FEM1C: variants seen among roughly 807,000 people sequenced by gnomAD.
The protein encoded by FEM1C is fem-1 homolog C.
Under a neutral mutation model 37.6 loss-of-function variants are expected in FEM1C, and 15 were observed. The observed-to-expected ratio is 0.40, with a 90% CI of 0.27 to 0.61. FEM1C has a LOEUF of 0.61. Among genes scored for constraint, FEM1C ranks in the 20% least tolerant of loss-of-function variants. The pLI, the probability that FEM1C is intolerant of heterozygous loss-of-function variation, is 0.42. For synonymous variants in FEM1C, 287 were observed against 272.8 expected (o/e 1.05, Z -0.51); for missense variants, 532 against 749.7 (o/e 0.71, Z 3.39).
intron 2 of FEM1C, among the ~76,000 whole-genome samples, chr5:115,541,216 A>G (rs1187511208): frequency 1.3e-5 from 2 of 152,098 alleles, no homozygotes; most frequent in Non-Finnish European, 2.9e-5. Context: ...TAAGCTAAAA[A>G]ACAGGTTATA....
chr5:115,524,243 G>T lies in FEM1C; in HGVS notation c.*65C>A. 1.5e-6 allele frequency: 2 copies of T among 1,310,582 alleles called. No individual in the cohort carries two copies. The highest frequency in any genetic ancestry group is 2.2e-6 in the Non-Finnish European group (2 of 915,798). The allele number at this position is 1,310,582 out of a possible 1,614,324, so 81.2% of individuals were successfully genotyped here. On this transcript the variant is annotated 3_prime_UTR_variant, in exon 3 of 3. Coordinates refer to ENST00000274457, the MANE Select transcript of FEM1C (RefSeq NM_020177.3). ...AATGAATGCTGGTGTTATCACAACA[G>T]TGCTCATTTATGAAACAACTGTTAC... is the stretch of plus-strand genomic sequence containing the variant.
chr5:115,527,290 T>A (rs1259150658), intron 2 of FEM1C, among the ~76,000 whole-genome samples: 4 of 152,098 alleles, frequency 2.6e-5, no homozygotes, highest in Non-Finnish European at 4.4e-5. Flanking sequence ...TTCAAATAAA[T>A]CTACTTTGTA....
At chr5:115,540,149 C>T (rs566192634) in intron 2 of FEM1C, among the ~76,000 whole-genome samples, 1 of 152,008 alleles carries the variant, frequency 6.6e-6, no homozygotes, top group South Asian at 2.1e-4. Context: ...TAAATCACAT[C>T]CTTCTCCAGT....
At position 115,524,289 on chromosome 5, in the gene FEM1C, C is replaced by G. The variant is rs762131030; in HGVS notation, c.*19G>C. ...GTTACCAATTCGTGCTTTAACAGTG[C>G]TAAAATACAGTCAAGTTATCATCTA... On this transcript the variant is annotated 3_prime_UTR_variant, in exon 3 of 3. Transcript: ENST00000274457. The G allele has an allele frequency of 1.2e-6, 2 of 1,606,760 alleles. No homozygotes were observed. The highest frequency in any genetic ancestry group is 1.7e-6 in the Non-Finnish European group (2 of 1,174,318).
At chr5:115,544,435 C>G (rs1244717799) in intron 1 of FEM1C, 88 bp downstream of exon 1, 2 of 153,956 alleles carry the variant, frequency 1.3e-5, no homozygotes, top group African/African-American at 2.4e-5. Context: ...GCCTTCGGCT[C>G]CCCCGGCGCC....
intron 2 of FEM1C, among the ~76,000 whole-genome samples, chr5:115,538,339 C>A (rs950605456): frequency 6.6e-6 from 1 of 151,934 alleles, no homozygotes; most frequent in Admixed American, 6.6e-5. Flanking sequence ...TCATTTTTGT[C>A]CAACTACTGT....
At position 115,521,706 on chromosome 5, in the gene FEM1C, T is replaced by C. The variant is rs529984449; in HGVS notation, c.*2602A>G. ...AGTTTAGTTAGACTCAAGAGTGTAA[T>C]TGGTTCATTATTAAATTTACTCATC... On this transcript the variant is annotated 3_prime_UTR_variant, in exon 3 of 3. Coordinates refer to ENST00000274457, the MANE Select transcript of FEM1C (RefSeq NM_020177.3). 6.6e-6 allele frequency: 1 copy of C among 151,884 alleles called. No homozygotes were observed. Among genetic ancestry groups the C allele is most frequent in the South Asian group, 2.1e-4 (1 of 4,832 alleles). 9.4% of individuals were successfully genotyped at this position (151,884 alleles called of 1,614,324 possible).
chr5:115,524,346 G>C lies in FEM1C; in HGVS notation c.1816C>G (p.Pro606Ala). 2 of 1,613,220 alleles carry C rather than the reference G, an allele frequency of 1.2e-6. No homozygotes were observed. Among genetic ancestry groups the C allele is most frequent in the Non-Finnish European group, 1.7e-6 (2 of 1,179,538 alleles). Reference protein sequence around the residue: ...NHRIYYKGHIPEKLETFVSLH... With the variant: ...NHRIYYKGHIAEKLETFVSLH... ...GAAACAAAAGTCTCTAGCTTTTCTG[G>C]GATATGCCCTTTATAATATATTCTA... The change falls in exon 3 of 3, where the codon CCA becomes GCA. Residue 606 changes from proline (P) to alanine (A), a missense_variant. Coordinates refer to ENST00000274457, the MANE Select transcript of FEM1C (RefSeq NM_020177.3).
chr5:115,544,165 C>T (rs1754304880), intron 1 of FEM1C: 1 of 985,416 alleles, frequency 1.0e-6, no homozygotes, highest in Non-Finnish European at 1.2e-6. Context: ...AAAACTGTGC[C>T]CCGAAAGATT....
rs75667088 is a variant in FEM1C, at chr5:115,523,554, A to T, written c.*754T>A. 324 of 152,634 alleles carry T rather than the reference A, an allele frequency of 2.1e-3. 1 individual carries two copies. Among genetic ancestry groups the T allele is most frequent in the Non-Finnish European group, 2.5e-3 (169 of 67,962 alleles). 9.5% of individuals were successfully genotyped at this position (152,634 alleles called of 1,614,324 possible). On this transcript the variant is annotated 3_prime_UTR_variant, in exon 3 of 3. Transcript: ENST00000274457. ...ATTTAGCACACAATAATTTCAGTGG[A>T]TTAGAGAAAGAAACCTCAGATGTGA... is the stretch of plus-strand genomic sequence containing the variant.
At chr5:115,537,927 A>G (rs530262007) in intron 2 of FEM1C, among the ~76,000 whole-genome samples, 2 of 152,180 alleles carry the variant, frequency 1.3e-5, no homozygotes, top group African/African-American at 2.4e-5. Context: ...TTAGTTTACA[A>G]GAGAGATTTT....
chr5:115,530,174 A>C (rs1753985806), intron 2 of FEM1C, among the ~76,000 whole-genome samples: 1 of 152,044 alleles, frequency 6.6e-6, no homozygotes, highest in Non-Finnish European at 1.5e-5. Flanking sequence ...ATATGGGTAG[A>C]AAATGATCTT....
rs1256596152 is a variant in FEM1C at position 115,524,759 on chromosome 5, G to C, written c.1403C>G (p.Thr468Ser). 1.9e-6 allele frequency: 3 copies of C among 1,560,232 alleles called. No individual in the cohort carries two copies. The change falls in exon 3 of 3, where the codon ACT becomes AGT. Residue 468 changes from threonine to serine, a missense_variant. Physicochemically the swap from Thr to Ser is moderately conservative, Grantham distance 58 (BLOSUM62 1). Transcript: ENST00000274457. ...ATGCAGCTTAAGAAACCTGTATATA[G>C]TCTGCTTTTTGAAATGGTCTTGTTC... ...TLEQDHFKKQ[T>S]IYRFLKLHPR...
chr5:115,541,708 GT>G lies in FEM1C; in HGVS notation c.544+1241del, dbSNP rs375318510. Among the ~76,000 whole-genome samples the G allele has an allele frequency of 1.2e-3, 178 of 152,244 alleles. 1 individual carries two copies. Among genetic ancestry groups the G allele is most frequent in the Middle Eastern group, 6.8e-3 (2 of 294 alleles). On this transcript the variant is annotated intron_variant, in intron 2 of 2. Coordinates refer to ENST00000274457, the MANE Select transcript of FEM1C (RefSeq NM_020177.3). ...ATGTACATTCATACAATGAAATACT[GT>G]ATAGCCACAAAACAGAATGAGGTAG... is the stretch of plus-strand genomic sequence containing the variant.
intron 2 of FEM1C, 104 bp from the exon 3 acceptor site, chr5:115,525,721 A>T: frequency 1.1e-6 from 1 of 908,052 alleles, no homozygotes; most frequent in Non-Finnish European, 1.6e-6. Context: ...GGAAGCTTTA[A>T]GTTCCTAAGT....
Position 115,543,615 on chromosome 5 carries a change from C to A in FEM1C, c.-122G>T. On this transcript the variant is annotated 5_prime_UTR_variant, in exon 2 of 3. Transcript: ENST00000274457. ...CAATGTTAATTGCTGCACCCCAGAACGGATACACAACCACGAAGAGTATGT... is the reference window on the plus strand; with the variant it reads ...CAATGTTAATTGCTGCACCCCAGAAAGGATACACAACCACGAAGAGTATGT... 1 of 1,458,828 alleles carries A rather than the reference C, an allele frequency of 6.9e-7. No homozygotes were observed. The highest frequency in any genetic ancestry group is 2.5e-4 in the Middle Eastern group (1 of 3,940). The allele number at this position is 1,458,828 out of a possible 1,614,324, so 90.4% of individuals were successfully genotyped here.
chr5:115,530,341 A>G (rs1360413592), intron 2 of FEM1C, among the ~76,000 whole-genome samples: 1 of 152,136 alleles, frequency 6.6e-6, no homozygotes, highest in Non-Finnish European at 1.5e-5. Flanking sequence ...ATATACAGAT[A>G]TAATAATTTT....
At chr5:115,532,241 A>G (rs900728686) in intron 2 of FEM1C, among the ~76,000 whole-genome samples, 4 of 152,116 alleles carry the variant, frequency 2.6e-5, no homozygotes, top group African/African-American at 9.7e-5. Context: ...GTTCTTACCT[A>G]AACAGTCTAT....
chr5:115,531,929 T>G (rs1001070404), intron 2 of FEM1C, among the ~76,000 whole-genome samples: 3 of 152,068 alleles, frequency 2.0e-5, no homozygotes, highest in African/African-American at 7.2e-5. Context: ...ATGCTTCACA[T>G]TATTCCATCC....
Sources: gnomAD v4.1 joint callset for allele counts (sites outside exome capture counted in the v4.1 genomes callset) on GRCh38, gnomAD v4.1.1 for gene constraint, MANE v1.5 for transcripts, NCBI Gene and HGNC (gene_info 2026-07-23, HGNC 2026-07-21) for gene names.